Variants in NSD1 observed in about 807,000 individuals in gnomAD.
NSD1 encodes the protein histone-lysine N-methyltransferase, H3 lysine-36 specific.
A neutral mutation model predicts 242.7 loss-of-function variants in NSD1; 26 were observed. The observed-to-expected ratio is 0.11, with a 90% CI of 0.08 to 0.15. The LOEUF is 0.15. Ranked by LOEUF, NSD1 falls within the 10% of genes least tolerant of loss-of-function variation. NSD1 has a pLI of 1.00. For missense variants in NSD1, 2,495 were observed against 3,272.8 expected (o/e 0.76, Z 5.80); for synonymous variants, 1,106 against 1,178.1 (o/e 0.94, Z 1.25).
chr5:177,159,003 T>TATATATATATATATGAATG (rs1554173289), intron 2 of NSD1, among the ~76,000 whole-genome samples: 14 of 80,150 alleles, frequency 1.7e-4, no homozygotes, highest in African/African-American at 9.5e-4. Context: ...TGATTTTATA[T>TATATATATATATATGAATG]ATATATATAT....
chr5:177,292,121 C>T lies in NSD1; in HGVS notation c.6426C>T (p.Tyr2142=), dbSNP rs1060501493. Residue 2142 remains tyrosine, a synonymous_variant, in exon 22 of 23, where the codon TAC becomes TAT. Transcript: ENST00000439151. ...AGAAACCAGGCTGCCCAAAAGTTTACCACGCAGACTGTCTCAATCTGACCA... is the reference window on the plus strand; with the variant it reads ...AGAAACCAGGCTGCCCAAAAGTTTATCACGCAGACTGTCTCAATCTGACCA... ...SCKKPGCPKV[Y]HADCLNLTKR... is the part of the protein sequence containing the mutation. 2 of 1,614,150 alleles carry T rather than the reference C, an allele frequency of 1.2e-6. No individual in the cohort carries two copies. The highest frequency in any genetic ancestry group is 1.1e-5 in the South Asian group (1 of 91,084).
At chr5:177,186,150 G>T (rs1053908005) in intron 2 of NSD1, among the ~76,000 whole-genome samples, 1 of 130,694 alleles carries the variant, frequency 7.7e-6, no homozygotes, top group Non-Finnish European at 1.6e-5. Context: ...AATCAGCCCA[G>T]TGTGGTGGTG....
intron 2 of NSD1, among the ~76,000 whole-genome samples, chr5:177,158,293 C>CTTTCTTTTCTTTTCTTTCTTTTCTTTCT (rs57903249): frequency 7.7e-5 from 6 of 77,674 alleles, no homozygotes; most frequent in African/African-American, 2.8e-4. Flanking sequence ...TTCTTTCTTT[C>CTTTCTTTTCTTTTCTTTCTTTTCTTTCT]TTTCTTTCTT....
intron 16 of NSD1, among the ~76,000 whole-genome samples, chr5:177,271,084 G>A (rs1398806907): frequency 1.3e-5 from 2 of 152,096 alleles, no homozygotes; most frequent in East Asian, 3.8e-4. Flanking sequence ...GCCTGCCTAA[G>A]CTCTGAGATT....
intron 2 of NSD1, among the ~76,000 whole-genome samples, chr5:177,139,254 GA>G (rs35496664): frequency 1.2e-4 from 16 of 135,448 alleles, no homozygotes; most frequent in Non-Finnish European, 1.1e-4. Context: ...TCCCTCTCAA[GA>G]AAAAAAAAAA....
chr5:177,196,161 A>G (rs1326988823), intron 3 of NSD1, among the ~76,000 whole-genome samples: 1 of 152,194 alleles, frequency 6.6e-6, no homozygotes, highest in Non-Finnish European at 1.5e-5. Flanking sequence ...CTCACAGAGT[A>G]AGGGAGGGTG....
At chr5:177,218,752 T>C (rs749224275) in intron 5 of NSD1, among the ~76,000 whole-genome samples, 2 of 151,216 alleles carry the variant, frequency 1.3e-5, no homozygotes, top group Non-Finnish European at 3.0e-5. Flanking sequence ...TTGTATTTTT[T>C]AGTAGACAGG....
intron 5 of NSD1, among the ~76,000 whole-genome samples, chr5:177,228,105 T>C (rs989127688): frequency 4.6e-5 from 7 of 152,068 alleles, no homozygotes; most frequent in Admixed American, 4.6e-4. Flanking sequence ...ATCTAGAAAC[T>C]CATTTTTCAC....
At chr5:177,260,339 CTTT>C (rs1174250871) in intron 14 of NSD1, among the ~76,000 whole-genome samples, 171 bp downstream of exon 14, 1 of 85,838 alleles carries the variant, frequency 1.2e-5, no homozygotes, top group African/African-American at 4.7e-5. Flanking sequence ...CATAGCAGAA[CTTT>C]TTTTTTTTTT....
At chr5:177,250,593 G>T in intron 11 of NSD1, among the ~76,000 whole-genome samples, 2 of 149,416 alleles carry the variant, frequency 1.3e-5, no homozygotes, top group African/African-American at 5.0e-5. Context: ...ATATAGAAAC[G>T]TTATTGGCAC....
intron 2 of NSD1, among the ~76,000 whole-genome samples, chr5:177,165,709 C>T (rs1468048616): frequency 2.0e-5 from 3 of 152,082 alleles, no homozygotes; most frequent in Non-Finnish European, 4.4e-5. Context: ...TCCTTACCTC[C>T]CACCTCAGCC....
At chr5:177,155,163 T>G (rs1758025753) in intron 2 of NSD1, among the ~76,000 whole-genome samples, 1 of 151,894 alleles carries the variant, frequency 6.6e-6, no homozygotes, top group African/African-American at 2.4e-5. Context: ...GCTAATTTTG[T>G]ATTTTAGTAG....
rs114996953 is a variant in NSD1 at position 177,143,736 on chromosome 5, G to A, written c.927+7706G>A. Among the ~76,000 whole-genome samples the A allele has an allele frequency of 4.3e-3, 650 of 151,924 alleles. 3 individuals carry two copies. The highest frequency in any genetic ancestry group is 0.014 in the African/African-American group (592 of 41,414). ...GCCCATTTCCTCAGTTCTAAATTACGGCTAGTACCTTCATTGGAGGGTTGT... is the reference window on the plus strand; with the variant it reads ...GCCCATTTCCTCAGTTCTAAATTACAGCTAGTACCTTCATTGGAGGGTTGT... On this transcript the variant is annotated intron_variant, in intron 2 of 22. Coordinates refer to ENST00000439151, the MANE Select transcript of NSD1 (RefSeq NM_022455.5).
chr5:177,161,989 G>GA (rs1758794616), intron 2 of NSD1, among the ~76,000 whole-genome samples: 1 of 151,910 alleles, frequency 6.6e-6, no homozygotes, highest in Non-Finnish European at 1.5e-5. Flanking sequence ...TACTCAGTGG[G>GA]AAAAAGCACA....
chr5:177,160,187 G>A (rs191055480), intron 2 of NSD1, among the ~76,000 whole-genome samples: 8 of 152,146 alleles, frequency 5.3e-5, no homozygotes, highest in East Asian at 1.9e-4. Context: ...TACTGTACCC[G>A]GCTAAGTGTA....
At chr5:177,174,303 G>A (rs1478110591) in intron 2 of NSD1, among the ~76,000 whole-genome samples, 8 of 152,102 alleles carry the variant, frequency 5.3e-5, no homozygotes, top group Non-Finnish European at 1.0e-4. Context: ...GCAGTGAGCC[G>A]AGATCGCGCC....
intron 10 of NSD1, 23 bp downstream of exon 10, chr5:177,246,819 T>C (rs921415338): frequency 2.6e-6 from 4 of 1,541,556 alleles, no homozygotes; most frequent in Non-Finnish European, 3.6e-6. Context: ...TCCTGATCTT[T>C]TCACCTTCTA....
intron 9 of NSD1, among the ~76,000 whole-genome samples, 162 bp downstream of exon 9, chr5:177,244,432 T>A (rs1020416360): frequency 6.6e-6 from 1 of 152,222 alleles, no homozygotes; most frequent in African/African-American, 2.4e-5. Flanking sequence ...AAAATATTGA[T>A]AAATTGAATA....
intron 2 of NSD1, among the ~76,000 whole-genome samples, chr5:177,172,340 C>CT (rs1056313211): frequency 1.3e-3 from 198 of 149,316 alleles, no homozygotes; most frequent in African/African-American, 4.4e-3. Flanking sequence ...TTATAATTGT[C>CT]TTTTTTTTTT....
Sources: gnomAD v4.1 joint callset for allele counts (sites outside exome capture counted in the v4.1 genomes callset) on GRCh38, gnomAD v4.1.1 for gene constraint, MANE v1.5 for transcripts, NCBI Gene and HGNC (gene_info 2026-07-23, HGNC 2026-07-21) for gene names.